The following ACACA variants were observed in gnomAD, a reference collection of about 807,000 sequenced individuals.
ACACA encodes the protein acetyl-CoA carboxylase alpha, also known as acetyl-CoA carboxylase 1.
ACACA carries 103 observed loss-of-function variants against 296.1 expected under a neutral mutation model. The ratio of observed to expected loss-of-function variants is 0.35; its 90% CI spans 0.30 to 0.41. The LOEUF is 0.41. ACACA is among the 10% of genes least tolerant of loss of function. ACACA has a pLI of 1.00. For synonymous variants in ACACA, 953 were observed against 1,038.6 expected, an observed-to-expected ratio of 0.92 and a Z score of 1.58; for missense variants, 1,554 against 2,989.7, an observed-to-expected ratio of 0.52 and a Z score of 11.20.
chr17:37,396,920 G>C (rs1016875672), intron 1 of ACACA, among the ~76,000 whole-genome samples: 5 of 151,844 alleles, frequency 3.3e-5, no homozygotes, highest in Non-Finnish European at 7.4e-5. Flanking sequence ...TAAATTCTAG[G>C]GTACATGTGC....
intron 23 of ACACA, among the ~76,000 whole-genome samples, chr17:37,241,175 A>T (rs2080379274): frequency 6.6e-6 from 1 of 152,074 alleles, no homozygotes. Context: ...AACCTGGATG[A>T]CAGTGTGAGA....
chr17:37,231,845 A>G (rs1236446932), intron 25 of ACACA, among the ~76,000 whole-genome samples: 1 of 152,230 alleles, frequency 6.6e-6, no homozygotes, highest in Non-Finnish European at 1.5e-5. Flanking sequence ...TTCCTTAAAT[A>G]TCTCTAAGCA....
chr17:37,352,070 ACAG>A (rs1249645048), intron 1 of ACACA, among the ~76,000 whole-genome samples: 1 of 151,536 alleles, frequency 6.6e-6, no homozygotes, highest in African/African-American at 2.4e-5. Context: ...AGCTGGGACT[ACAG>A]GCGCCTGCCA....
chr17:37,326,900 A>G (rs11263825), intron 3 of ACACA, among the ~76,000 whole-genome samples: 54,718 of 151,948 alleles, frequency 0.36, 13,050 homozygotes, highest in African/African-American at 0.67. Flanking sequence ...AAAATACATG[A>G]GGCAAATCAT....
At chr17:37,383,543 C>T (rs563951732) in intron 1 of ACACA, among the ~76,000 whole-genome samples, 2 of 152,136 alleles carry the variant, frequency 1.3e-5, no homozygotes, top group African/African-American at 4.8e-5. Flanking sequence ...ATGATGAATC[C>T]CAAAAAACCT....
chr17:37,375,544 A>G (rs186542855), intron 1 of ACACA, among the ~76,000 whole-genome samples: 8 of 152,266 alleles, frequency 5.3e-5, no homozygotes, highest in Admixed American at 2.0e-4. Flanking sequence ...GAACATTTAG[A>G]TCCCAAGAAG....
intron 11 of ACACA, 50 bp from the exon 12 acceptor site, chr17:37,259,580 C>CT: frequency 6.2e-7 from 1 of 1,602,160 alleles, no homozygotes; most frequent in East Asian, 2.2e-5. Flanking sequence ...TATCCAACTG[C>CT]TAGACCACTA....
chr17:37,112,763 G>A (rs951234639), intron 51 of ACACA, among the ~76,000 whole-genome samples: 3 of 152,148 alleles, frequency 2.0e-5, no homozygotes, highest in South Asian at 2.1e-4. Flanking sequence ...AAAGAAACAC[G>A]TTTTGAAGTT....
chr17:37,090,930 A>G (rs1026349996), intron 54 of ACACA, among the ~76,000 whole-genome samples: 1 of 152,156 alleles, frequency 6.6e-6, no homozygotes, highest in Admixed American at 6.5e-5. Context: ...ATGGAAAAAA[A>G]AAAAACCCCA....
At chr17:37,161,692 G>T (rs1567742744) in intron 42 of ACACA, 89 bp downstream of exon 42, 5 of 1,480,924 alleles carry the variant, frequency 3.4e-6, no homozygotes, top group Non-Finnish European at 3.7e-6. Flanking sequence ...GGTGATTTTT[G>T]AACTTAAACC....
chr17:37,085,964 A>G lies in ACACA; in HGVS notation c.*1352T>C. 1 of 398,046 alleles carries G rather than the reference A, an allele frequency of 2.5e-6. No individual in the cohort carries two copies. The highest frequency in any genetic ancestry group is 6.3e-4 in the Middle Eastern group (1 of 1,586). 24.7% of individuals were successfully genotyped at this position (398,046 alleles called of 1,614,324 possible). ...ATCACCTGCCACTCTTGCTTTAGGA[A>G]CAGAGGAATCAGTAAGTTCTTTTCT... On this transcript the variant is annotated 3_prime_UTR_variant, in exon 56 of 56. Transcript: ENST00000616317.
intron 37 of ACACA, 150 bp from the exon 38 acceptor site, chr17:37,191,425 A>T (rs2077745149): frequency 1.2e-6 from 1 of 825,616 alleles, no homozygotes. Context: ...TCAGTCCAGT[A>T]ACCACAGGGA....
At chr17:37,198,304 C>T (rs1006735278) in intron 35 of ACACA, among the ~76,000 whole-genome samples, 1 of 152,088 alleles carries the variant, frequency 6.6e-6, no homozygotes, top group Non-Finnish European at 1.5e-5. Context: ...GTGAAGATTC[C>T]ATCTAATCCA....
chr17:37,210,751 C>CAAAAAA (rs57591064), intron 29 of ACACA, among the ~76,000 whole-genome samples: 1 of 72,424 alleles, frequency 1.4e-5, no homozygotes, highest in Non-Finnish European at 2.9e-5. Context: ...GCTCTATTAC[C>CAAAAAA]AAAAAAAAAA....
At chr17:37,323,231 G>C (rs1021755239) in intron 3 of ACACA, among the ~76,000 whole-genome samples, 18 of 152,382 alleles carry the variant, frequency 1.2e-4, no homozygotes, top group African/African-American at 4.3e-4. Context: ...GGCAACCGAA[G>C]GAGCAAGCAA....
intron 39 of ACACA, among the ~76,000 whole-genome samples, chr17:37,185,173 T>A (rs1404228308): frequency 6.6e-6 from 1 of 152,202 alleles, no homozygotes; most frequent in Non-Finnish European, 1.5e-5. Context: ...ACAGAATGAA[T>A]TGAACTGCAC....
At chr17:37,195,222 CTAAT>C (rs1283440820) in intron 35 of ACACA, among the ~76,000 whole-genome samples, 3 of 152,102 alleles carry the variant, frequency 2.0e-5, no homozygotes, top group African/African-American at 7.2e-5. Flanking sequence ...CTATTATTAG[CTAAT>C]TAATTAAAAT....
At chr17:37,131,341 A>C (rs1423904700) in intron 45 of ACACA, among the ~76,000 whole-genome samples, 8 of 152,144 alleles carry the variant, frequency 5.3e-5, no homozygotes, top group African/African-American at 1.4e-4. Context: ...TCAGGGAAGG[A>C]GGTTTTCTGA....
chr17:37,234,679 G>C (rs1251475230), intron 25 of ACACA, among the ~76,000 whole-genome samples: 3 of 152,156 alleles, frequency 2.0e-5, no homozygotes, highest in African/African-American at 7.2e-5. Flanking sequence ...CTGCTGTCAT[G>C]ATGACCACAG....
Sources: allele counts gnomAD v4.1 joint callset (sites outside exome capture counted in the v4.1 genomes callset), GRCh38; gene constraint gnomAD v4.1.1; transcripts MANE v1.5; gene names NCBI Gene and HGNC (gene_info 2026-07-23, HGNC 2026-07-21).